SENP7: variants seen among roughly 807,000 people sequenced by gnomAD.
SENP7 encodes the protein SUMO specific peptidase 7.
A neutral mutation model predicts 141.2 loss-of-function variants in SENP7; 64 were observed. The observed-to-expected ratio is 0.45, with a 90% confidence interval of 0.37 to 0.56. The LOEUF (loss-of-function observed/expected upper bound fraction) is 0.56. SENP7 is among the 20% of genes least tolerant of loss of function. The probability of loss-of-function intolerance (pLI) is 0.00; values close to 1 mark genes in which losing one functional copy is unlikely to be tolerated. For synonymous variants in SENP7, 382 were observed against 426.4 expected (o/e 0.90, Z 1.28); for missense variants, 1,025 against 1,212.2 (o/e 0.85, Z 2.29).
chr3:101,487,765 G>A (rs1414788087), intron 3 of SENP7, among the ~76,000 whole-genome samples: 2 of 152,110 alleles, frequency 1.3e-5, no homozygotes, highest in Non-Finnish European at 2.9e-5. Context: ...AGATCAGATG[G>A]TTGTAGGTGT....
intron 4 of SENP7, among the ~76,000 whole-genome samples, chr3:101,432,943 C>G (rs943034412): frequency 6.6e-6 from 1 of 152,062 alleles, no homozygotes; most frequent in Non-Finnish European, 1.5e-5. Context: ...GTAATAAGTA[C>G]ATAGAAAAAG....
intron 4 of SENP7, among the ~76,000 whole-genome samples, chr3:101,439,020 G>C (rs928988372): frequency 7.4e-6 from 1 of 134,788 alleles, no homozygotes; most frequent in African/African-American, 2.7e-5. Flanking sequence ...GAGCCCCTCT[G>C]CCTGGCTGCC....
chr3:101,465,718 C>G (rs1296488855), intron 3 of SENP7, among the ~76,000 whole-genome samples: 1 of 151,658 alleles, frequency 6.6e-6, no homozygotes, highest in Non-Finnish European at 1.5e-5. Flanking sequence ...CAGACACTAA[C>G]AAAAAGACAT....
At chr3:101,327,063 G>A (rs63482) in intron 23 of SENP7, among the ~76,000 whole-genome samples, 139,127 of 151,982 alleles carry the variant, frequency 0.92, 63,732 homozygotes, top group East Asian at 1. Context: ...GTCTTCATCC[G>A]TTTTGTTTCA....
At chr3:101,420,321 T>C (rs1350599159) in intron 4 of SENP7, among the ~76,000 whole-genome samples, 2 of 152,046 alleles carry the variant, frequency 1.3e-5, no homozygotes, top group Non-Finnish European at 1.5e-5. Flanking sequence ...TAAGCCGAGA[T>C]TGCGCCACTG....
chr3:101,380,409 T>A, intron 6 of SENP7, among the ~76,000 whole-genome samples: 1 of 142,116 alleles, frequency 7.0e-6, no homozygotes, highest in African/African-American at 2.6e-5. Context: ...AGAGTCTAAA[T>A]CTTCTAGAAC....
chr3:101,448,582 T>C (rs2094637843), intron 4 of SENP7, among the ~76,000 whole-genome samples: 1 of 150,372 alleles, frequency 6.7e-6, no homozygotes, highest in African/African-American at 2.5e-5. Flanking sequence ...TCTCAGAGAG[T>C]AAGCGGCTGT....
rs1265386976 is a variant in SENP7 at position 101,333,179 on chromosome 3, C to A, written c.2481-317G>T. The A allele has an allele frequency of 3.3e-5, 9 of 275,962 alleles. No homozygotes were observed. In the East Asian group the frequency reaches 4.0e-4, roughly 12 times the overall value. The allele number at this position is 275,962 out of a possible 1,614,324, so 17.1% of individuals were successfully genotyped here. A position where few individuals can be genotyped will look rare whatever the true frequency, so the allele number is the denominator to read the frequency against. ...CTTATTTTGCTTAGCTCCATCTGGG[C>A]ATGATATAAAATACTGTCATTAAAC... On this transcript the variant is annotated intron_variant, in intron 17 of 23. Transcript: ENST00000394095.
chr3:101,513,212 GGAAAAAAAAAAAA>G (rs1559934650), upstream of SENP7: 4,696 of 135,736 alleles, frequency 0.035, 111 homozygotes, highest in Non-Finnish European at 0.046. Context: ...GGAGGGGAAA[GGAAAAAAAAAAAA>G]AAAAAAAAAA....
At chr3:101,485,135 G>A (rs569421554) in intron 3 of SENP7, among the ~76,000 whole-genome samples, 51 of 151,858 alleles carry the variant, frequency 3.4e-4, no homozygotes, top group Non-Finnish European at 6.5e-4. Flanking sequence ...GCTCAGACAC[G>A]CCTAGCCCCA....
chr3:101,428,869 A>G (rs1288307090), intron 4 of SENP7, among the ~76,000 whole-genome samples: 3 of 152,172 alleles, frequency 2.0e-5, no homozygotes, highest in African/African-American at 7.2e-5. Flanking sequence ...TAATTTTTGT[A>G]TAAGGTCTAA....
At chr3:101,477,051 C>T (rs897215664) in intron 3 of SENP7, among the ~76,000 whole-genome samples, 1 of 152,080 alleles carries the variant, frequency 6.6e-6, no homozygotes, top group Non-Finnish European at 1.5e-5. Context: ...CTGTAGGTTG[C>T]CTATTCACTC....
At chr3:101,497,821 G>C (rs1378460870) in intron 2 of SENP7, among the ~76,000 whole-genome samples, 1 of 152,192 alleles carries the variant, frequency 6.6e-6, no homozygotes. Context: ...TTATTTTTTA[G>C]AGACAGTGTC....
intron 5 of SENP7, among the ~76,000 whole-genome samples, chr3:101,414,076 T>C (rs1423077171): frequency 6.6e-6 from 1 of 152,230 alleles, no homozygotes; most frequent in Non-Finnish European, 1.5e-5. Flanking sequence ...ATCAAGTTAC[T>C]ACCATAGTAA....
chr3:101,327,457 T>C lies in SENP7; in HGVS notation c.3015+209A>G, dbSNP rs567329849. 9.2e-5 allele frequency among the ~76,000 whole-genome samples: 14 copies of C among 152,192 alleles called. No homozygotes were observed. In the South Asian group the frequency reaches 2.9e-3, roughly 32 times the overall value. On this transcript the variant is annotated intron_variant, in intron 23 of 23. Coordinates refer to ENST00000394095, the MANE Select transcript of SENP7 (RefSeq NM_020654.5). ...TGCTGCTATCATGTAAAAAAGGATATGTTTGCTTCCCCTTCCACCATGATC... is the reference window on the plus strand; with the variant it reads ...TGCTGCTATCATGTAAAAAAGGATACGTTTGCTTCCCCTTCCACCATGATC...
intron 3 of SENP7, among the ~76,000 whole-genome samples, chr3:101,461,754 T>C (rs567128185): frequency 6.6e-6 from 1 of 151,878 alleles, no homozygotes; most frequent in East Asian, 1.9e-4. Flanking sequence ...GAAAAAAAGG[T>C]GAAAACAATA....
intron 6 of SENP7, among the ~76,000 whole-genome samples, chr3:101,383,081 C>T (rs1454896808): frequency 6.6e-6 from 1 of 152,204 alleles, no homozygotes; most frequent in Non-Finnish European, 1.5e-5. Flanking sequence ...GACCAAATCT[C>T]ATAGTGAACT....
chr3:101,356,030 G>A (rs958225245), intron 11 of SENP7, among the ~76,000 whole-genome samples: 3 of 152,000 alleles, frequency 2.0e-5, no homozygotes, highest in African/African-American at 7.3e-5. Context: ...TGGTGTATAT[G>A]AGTGCTAGTG....
At chr3:101,502,667 C>T (rs1407752255) in intron 1 of SENP7, among the ~76,000 whole-genome samples, 1 of 151,234 alleles carries the variant, frequency 6.6e-6, no homozygotes. Flanking sequence ...GTAATCCCAA[C>T]ACTTTGGAAG....
Sources: gnomAD v4.1 joint callset for allele counts (sites outside exome capture counted in the v4.1 genomes callset) on GRCh38, gnomAD v4.1.1 for gene constraint, MANE v1.5 for transcripts, NCBI Gene and HGNC (gene_info 2026-07-23, HGNC 2026-07-21) for gene names.